The following MAP3K9 variants were observed in gnomAD, a reference collection of about 807,000 sequenced individuals.
MAP3K9 encodes the protein mixed lineage kinase 1 (tyr and ser/thr specificity).
In MAP3K9, 46 loss-of-function variants were observed where a neutral mutation model predicts 95.8. The ratio of observed to expected loss-of-function variants is 0.48; its 90% CI spans 0.38 to 0.61. The LOEUF (loss-of-function observed/expected upper bound fraction) is 0.61, where lower values mean the gene tolerates loss of function less well. Among genes scored for constraint, MAP3K9 ranks in the 20% least tolerant of loss-of-function variants. MAP3K9 has a pLI of 0.00. For missense variants in MAP3K9, 1,296 were observed against 1,474.3 expected (o/e 0.88, Z 1.98); for synonymous variants, 533 against 593.8 (o/e 0.90, Z 1.49).
intron 11 of MAP3K9, 68 bp from the exon 12 acceptor site, chr14:70,730,932 T>TC (rs997957975): frequency 6.2e-5 from 91 of 1,475,154 alleles, no homozygotes; most frequent in Middle Eastern, 3.5e-4. Context: ...TATCCGCTAC[T>TC]CCCCCCCAAC....
chr14:70,756,178 C>G (rs1474960270), intron 3 of MAP3K9, among the ~76,000 whole-genome samples: 1 of 152,124 alleles, frequency 6.6e-6, no homozygotes, highest in Non-Finnish European at 1.5e-5. Context: ...TTTCTGTCAT[C>G]CTGAGAAGAC....
At chr14:70,799,679 T>C (rs759378655) in intron 2 of MAP3K9, among the ~76,000 whole-genome samples, 65 of 152,206 alleles carry the variant, frequency 4.3e-4, no homozygotes, top group Admixed American at 2.0e-4. Context: ...CACCATAGTA[T>C]CAACAGAAAA....
rs540467246 is a variant in MAP3K9 at position 70,752,075 on chromosome 14, T to C, written c.1002-1994A>G. 4.6e-5 allele frequency among the ~76,000 whole-genome samples: 7 copies of C among 152,328 alleles called. No individual in the cohort carries two copies. In the East Asian group the frequency reaches 1.4e-3, roughly 29 times the overall value. On this transcript the variant is annotated intron_variant, in intron 3 of 11. Coordinates refer to ENST00000554752, the MANE Select transcript of MAP3K9 (RefSeq NM_001284230.2). The stretch of plus-strand genomic sequence containing the variant: ...GCTTTACCCCAGTGAGGCCTTCAAA[T>C]ACTATCATTTTCTTTATGCATCTTG...
intron 2 of MAP3K9, among the ~76,000 whole-genome samples, chr14:70,764,739 G>A (rs1214658424): frequency 1.3e-5 from 2 of 152,104 alleles, no homozygotes; most frequent in East Asian, 3.9e-4. Context: ...GGCTGAGGTA[G>A]GAGGATCACT....
rs879744024 is a variant in MAP3K9 at position 70,809,261 on chromosome 14, AC to A, written c.-91del. 4.8e-3 allele frequency: 5,100 copies of A among 1,052,308 alleles called. 3 individuals are homozygous for A. The highest frequency in any genetic ancestry group is 5.0e-3 in the Non-Finnish European group (4,235 of 846,484). 65.2% of individuals were successfully genotyped at this position (1,052,308 alleles called of 1,614,324 possible). On this transcript the variant is annotated 5_prime_UTR_variant, in exon 1 of 12. Transcript: ENST00000554752. Reference sequence around the variant, plus strand: ...CATGCGCCTCCGCAGAGCTGGGAGGACCCCCCCCCAACGACGGCGGCCGCAG... The same window carrying A: ...CATGCGCCTCCGCAGAGCTGGGAGGACCCCCCCCAACGACGGCGGCCGCAG...
intron 1 of MAP3K9, among the ~76,000 whole-genome samples, chr14:70,807,721 C>G (rs762913455): frequency 2.6e-5 from 4 of 151,964 alleles, no homozygotes; most frequent in Admixed American, 6.5e-5. Context: ...TATGGAAACT[C>G]TCAAATACAA....
At chr14:70,798,066 A>C (rs1198751084) in intron 2 of MAP3K9, among the ~76,000 whole-genome samples, 1 of 152,212 alleles carries the variant, frequency 6.6e-6, no homozygotes, top group East Asian at 1.9e-4. Flanking sequence ...CCACATAAGG[A>C]AAAAGAAAGG....
At chr14:70,793,651 A>ATTTC (rs1304548962) in intron 2 of MAP3K9, among the ~76,000 whole-genome samples, 9 of 121,804 alleles carry the variant, frequency 7.4e-5, no homozygotes, top group African/African-American at 1.3e-4. Context: ...TTCACATGAT[A>ATTTC]TTTCATTCAT....
chr14:70,775,339 C>A (rs1464380695), intron 2 of MAP3K9, among the ~76,000 whole-genome samples: 1 of 152,064 alleles, frequency 6.6e-6, no homozygotes, highest in East Asian at 1.9e-4. Context: ...GTAACTTTTC[C>A]ACATCTAGGA....
intron 2 of MAP3K9, among the ~76,000 whole-genome samples, chr14:70,767,256 C>T (rs2139796492): frequency 6.6e-6 from 1 of 151,960 alleles, no homozygotes; most frequent in East Asian, 1.9e-4. Context: ...TGGTGGCACA[C>T]ACTTGTAGTC....
At chr14:70,797,897 T>C (rs2054882642) in intron 2 of MAP3K9, among the ~76,000 whole-genome samples, 1 of 152,144 alleles carries the variant, frequency 6.6e-6, no homozygotes, top group Non-Finnish European at 1.5e-5. Context: ...ATGTAAGATT[T>C]ACAACTAGCA....
chr14:70,740,472 ATGT>A (rs1213120664), intron 6 of MAP3K9, among the ~76,000 whole-genome samples: 1 of 152,210 alleles, frequency 6.6e-6, no homozygotes, highest in African/African-American at 2.4e-5. Flanking sequence ...AGCTCATGAG[ATGT>A]TGTTGATTAT....
chr14:70,783,317 T>C, intron 2 of MAP3K9: 1 of 984,194 alleles, frequency 1.0e-6, no homozygotes, highest in East Asian at 1.1e-4. Flanking sequence ...CTGACTCTTA[T>C]TTTTCTTGAG....
In MAP3K9 at chr14:70,722,530, C is replaced by T. The variant is rs1317910691; in HGVS notation, c.*7850G>A. ...AGAACCACAACAAACCAGAGGTAAT[C>T]GTTATAACAGTTTTATTCAAGTCTC... On this transcript the variant is annotated 3_prime_UTR_variant, in exon 12 of 12. Coordinates refer to ENST00000554752, the MANE Select transcript of MAP3K9 (RefSeq NM_001284230.2). 2 of 152,154 alleles carry T rather than the reference C, an allele frequency of 1.3e-5. No individual in the cohort carries two copies. The highest frequency in any genetic ancestry group is 1.9e-4 in the East Asian group (1 of 5,174). 9.4% of individuals were successfully genotyped at this position (152,154 alleles called of 1,614,324 possible).
At chr14:70,801,919 G>A (rs1334912209) in intron 1 of MAP3K9, among the ~76,000 whole-genome samples, 1 of 152,182 alleles carries the variant, frequency 6.6e-6, no homozygotes, top group Non-Finnish European at 1.5e-5. Context: ...GTCTGCTGTG[G>A]CCAGGTCATG....
chr14:70,759,441 CA>C lies in MAP3K9; in HGVS notation c.1001+1560del, dbSNP rs1408460209. On this transcript the variant is annotated intron_variant, in intron 3 of 11. Coordinates refer to ENST00000554752, the MANE Select transcript of MAP3K9 (RefSeq NM_001284230.2). ...TGGGCAACAGAGTAAGACTCCATCTCAAAAAAATAAATAAATAAAAATAAAG... is the reference window on the plus strand; with the variant it reads ...TGGGCAACAGAGTAAGACTCCATCTCAAAAAATAAATAAATAAAAATAAAG... 6.1e-4 allele frequency among the ~76,000 whole-genome samples: 92 copies of C among 151,744 alleles called. 2 individuals are homozygous for C. Among genetic ancestry groups the C allele is most frequent in the Admixed American group, 2.0e-4 (3 of 15,222 alleles).
At chr14:70,765,751 CAAAAAAA>C (rs1566749981) in intron 2 of MAP3K9, among the ~76,000 whole-genome samples, 1 of 89,806 alleles carries the variant, frequency 1.1e-5, no homozygotes, top group African/African-American at 4.4e-5. Context: ...AAAAAAAAAA[CAAAAAAA>C]AACAAAAAAA....
intron 3 of MAP3K9, among the ~76,000 whole-genome samples, chr14:70,758,675 T>C (rs569004224): frequency 1.3e-5 from 2 of 151,922 alleles, no homozygotes; most frequent in South Asian, 4.1e-4. Flanking sequence ...AACTGATAAA[T>C]GGATAAACAA....
rs1474906850 is a variant in MAP3K9, at chr14:70,761,522, G to A, written c.821-340C>T. On this transcript the variant is annotated intron_variant, in intron 2 of 11. Coordinates refer to ENST00000554752, the MANE Select transcript of MAP3K9 (RefSeq NM_001284230.2). ...TCACGCATGTAATCCCAGCATTTGG[G>A]GAGGCCGAGACGGGTGGATCACCTG... Among the ~76,000 whole-genome samples the A allele has an allele frequency of 2.0e-5, 3 of 152,284 alleles. No individual in the cohort carries two copies. The South Asian group carries it at 6.2e-4, about 32-fold the overall frequency.
Sources: gnomAD v4.1 joint callset for allele counts (sites outside exome capture counted in the v4.1 genomes callset) on GRCh38, gnomAD v4.1.1 for gene constraint, MANE v1.5 for transcripts, NCBI Gene and HGNC (gene_info 2026-07-23, HGNC 2026-07-21) for gene names.